Variants in RFTN1 observed in about 807,000 individuals in gnomAD.
RFTN1 encodes the protein raftlin, lipid raft linker 1.
A neutral mutation model predicts 46.5 loss-of-function variants in RFTN1; 26 were observed. That is an observed-to-expected ratio of 0.56 (90% CI 0.41 to 0.78). RFTN1 has a LOEUF of 0.78. RFTN1 is among the 30% of genes least tolerant of loss of function. The pLI, the probability that RFTN1 is intolerant of heterozygous loss-of-function variation, is 0.00. For synonymous variants in RFTN1, 261 were observed against 284.2 expected (o/e 0.92, Z 0.82); for missense variants, 693 against 718.7 (o/e 0.96, Z 0.41).
At chr3:16,501,346 A>G (rs942253472) in intron 1 of RFTN1, among the ~76,000 whole-genome samples, 2 of 152,236 alleles carry the variant, frequency 1.3e-5, no homozygotes, top group Admixed American at 6.5e-5. Flanking sequence ...CAAAAGGATC[A>G]CCTTCTTAAA....
At chr3:16,486,791 T>C (rs1349182796) in intron 2 of RFTN1, among the ~76,000 whole-genome samples, 3 of 152,250 alleles carry the variant, frequency 2.0e-5, no homozygotes, top group East Asian at 3.8e-4. Flanking sequence ...ATGGACTGAA[T>C]TGTGTCCTTC....
intron 2 of RFTN1, chr3:16,434,774 A>G (rs2075469916): frequency 6.6e-6 from 1 of 152,188 alleles, no homozygotes; most frequent in Admixed American, 6.5e-5. Flanking sequence ...ACAAACTGGA[A>G]CAAAATTTCT....
Position 16,420,016 on chromosome 3 carries a change from G to A in RFTN1, c.333-10533C>T, listed in dbSNP as rs138530441. On this transcript the variant is annotated intron_variant, in intron 3 of 9. Transcript: ENST00000334133. Reference sequence around the variant, plus strand: ...TGTTACCAGGGACATCTAACTATCCGACCCTGCTATTTATTCTAGAGAAAT... The same window carrying A: ...TGTTACCAGGGACATCTAACTATCCAACCCTGCTATTTATTCTAGAGAAAT... 3.1e-3 allele frequency among the ~76,000 whole-genome samples: 471 copies of A among 152,290 alleles called. 1 individual carries two copies. Among genetic ancestry groups the A allele is most frequent in the African/African-American group, 0.011 (454 of 41,544 alleles).
In RFTN1 at chr3:16,341,043, A is replaced by G. The variant is rs9866931; in HGVS notation, c.1147-14167T>C. ...AAAGAAGATATGCAGGTAGCAAATA[A>G]TAAGCATATAAAAAGATGCTCAACA... On this transcript the variant is annotated intron_variant, in intron 7 of 9. Transcript: ENST00000334133. The surrounding 1 kb of genome is among the most constrained non-coding windows in gnomAD (Gnocchi z 4.7). Among the ~76,000 whole-genome samples, 1,855 of 152,376 alleles carry G rather than the reference A, an allele frequency of 0.012. 27 individuals carry two copies. Among genetic ancestry groups the G allele is most frequent in the African/African-American group, 0.042 (1,748 of 41,580 alleles).
intron 2 of RFTN1, chr3:16,482,712 C>T: frequency 7.0e-7 from 1 of 1,423,344 alleles, no homozygotes; most frequent in Non-Finnish European, 9.6e-7. Context: ...GCTGTTATTA[C>T]TGTTGCTACT....
chr3:16,498,187 G>C lies in RFTN1; in HGVS notation c.-8-4310C>G, dbSNP rs2076653577. ...GGCTTGACGATGCCTCCATACTTGAGTCATTACATAACGACTGCAACTTAG... is the reference window on the plus strand; with the variant it reads ...GGCTTGACGATGCCTCCATACTTGACTCATTACATAACGACTGCAACTTAG... On this transcript the variant is annotated intron_variant, in intron 1 of 9. Coordinates refer to ENST00000334133, the MANE Select transcript of RFTN1 (RefSeq NM_015150.2). This position sits in a 1 kb window ranked among gnomAD's most constrained non-coding sequence, Gnocchi z 5.2. 1.3e-5 allele frequency among the ~76,000 whole-genome samples: 2 copies of C among 152,196 alleles called. No homozygotes were observed. The highest frequency in any genetic ancestry group is 6.5e-5 in the Admixed American group (1 of 15,288).
chr3:16,331,572 T>A (rs1373739204), intron 7 of RFTN1, among the ~76,000 whole-genome samples: 3 of 152,162 alleles, frequency 2.0e-5, no homozygotes, highest in Non-Finnish European at 4.4e-5. Flanking sequence ...CCTGAACCCA[T>A]CACTAATTTA....
At position 16,433,444 on chromosome 3, in the gene RFTN1, C is replaced by T. The variant is rs899017797; in HGVS notation, c.332+407G>A. ...AATGTTAAAGTATTTCTAGACTTTG[C>T]GGGAAGACATTAAGTTTGTCTATAG... On this transcript the variant is annotated intron_variant, in intron 3 of 9. Coordinates refer to ENST00000334133, the MANE Select transcript of RFTN1 (RefSeq NM_015150.2). The surrounding 1 kb of genome is among the most constrained non-coding windows in gnomAD (Gnocchi z 4.4). Among the ~76,000 whole-genome samples the T allele has an allele frequency of 2.0e-5, 3 of 152,078 alleles. No individual in the cohort carries two copies. The highest frequency in any genetic ancestry group is 1.9e-4 in the East Asian group (1 of 5,196).
At chr3:16,396,681 A>T (rs957745629) in intron 4 of RFTN1, among the ~76,000 whole-genome samples, 8 of 152,178 alleles carry the variant, frequency 5.3e-5, no homozygotes, top group African/African-American at 1.7e-4. Flanking sequence ...ATTTGTTTTA[A>T]TGGAACCAAG....
At chr3:16,461,039 C>G (rs1459181114) in intron 2 of RFTN1, among the ~76,000 whole-genome samples, 1 of 152,226 alleles carries the variant, frequency 6.6e-6, no homozygotes, top group Non-Finnish European at 1.5e-5. Context: ...AGCACAGCTG[C>G]CATGACAATA....
In RFTN1 at chr3:16,446,439, C is replaced by T. The variant is rs977679299; in HGVS notation, c.146-12402G>A. Among the ~76,000 whole-genome samples, 3 of 151,906 alleles carry T rather than the reference C, an allele frequency of 2.0e-5. No individual in the cohort carries two copies. The highest frequency in any genetic ancestry group is 7.3e-5 in the African/African-American group (3 of 41,318). On this transcript the variant is annotated intron_variant, in intron 2 of 9. Transcript: ENST00000334133. This position sits in a 1 kb window ranked among gnomAD's most constrained non-coding sequence, Gnocchi z 4.5. ...TCTTCATCGGCCTCATCTCTCGGTC[C>T]ACGTCCAACAAGCAGAAGGGACACC...
In RFTN1 at chr3:16,448,051, T is replaced by C. The variant is rs56377438; in HGVS notation, c.146-14014A>G. ...CAGCCACATGTGGCTATCGAGCATC[T>C]GAAATGTGGCCAGTGTGATTGAGAT... On this transcript the variant is annotated intron_variant, in intron 2 of 9. Transcript: ENST00000334133. This position sits in a 1 kb window ranked among gnomAD's most constrained non-coding sequence, Gnocchi z 4.1. Among the ~76,000 whole-genome samples the C allele has an allele frequency of 5.2e-3, 793 of 152,096 alleles. 9 individuals carry two copies. Among genetic ancestry groups the C allele is most frequent in the African/African-American group, 0.018 (748 of 41,466 alleles).
chr3:16,408,293 A>G (rs1348224161), intron 4 of RFTN1, among the ~76,000 whole-genome samples: 2 of 152,080 alleles, frequency 1.3e-5, no homozygotes, highest in East Asian at 3.9e-4. Context: ...CTTGCTCCTC[A>G]GCCCCGGCCA....
In RFTN1 at chr3:16,448,980, T is replaced by C. The variant is rs1398926707; in HGVS notation, c.146-14943A>G. The stretch of plus-strand genomic sequence containing the variant: ...TACTGAATTTTCCAGATGATTTATG[T>C]TATGCTCCAGAAAGGCAACATCTCC... On this transcript the variant is annotated intron_variant, in intron 2 of 9. Transcript: ENST00000334133. This position sits in a 1 kb window ranked among gnomAD's most constrained non-coding sequence, Gnocchi z 4.1. 6.6e-6 allele frequency among the ~76,000 whole-genome samples: 1 copy of C among 152,214 alleles called. No individual in the cohort carries two copies. Among genetic ancestry groups the C allele is most frequent in the East Asian group, 1.9e-4 (1 of 5,196 alleles).
At position 16,426,660 on chromosome 3, in the gene RFTN1, CGTGTGTGTGTGTGTGTGT is replaced by C. The variant is rs34705903; in HGVS notation, c.332+7173_332+7190del. 7.0e-6 allele frequency among the ~76,000 whole-genome samples: 1 copy of C among 142,026 alleles called. No individual in the cohort carries two copies. The highest frequency in any genetic ancestry group is 2.0e-4 in the East Asian group (1 of 4,898). 93.2% of individuals were successfully genotyped at this position (142,026 alleles called of 152,430 possible). ...ACTGTTATTTTGGCAATGAAAGGAT[CGTGTGTGTGTGTGTGTGT>C]GTGTGTGTGTGTGTGTGTGTCTGTT... On this transcript the variant is annotated intron_variant, in intron 3 of 9. Coordinates refer to ENST00000334133, the MANE Select transcript of RFTN1 (RefSeq NM_015150.2). The surrounding 1 kb of genome is among the most constrained non-coding windows in gnomAD (Gnocchi z 5.9).
At chr3:16,505,295 A>G (rs1018933019) in intron 1 of RFTN1, among the ~76,000 whole-genome samples, 11 of 152,156 alleles carry the variant, frequency 7.2e-5, no homozygotes, top group African/African-American at 2.7e-4. Context: ...AAGTCAGGCT[A>G]AGCTACTGCA....
rs2076132413 is a variant in RFTN1 at position 16,468,073 on chromosome 3, G to T, written c.145+25652C>A. Among the ~76,000 whole-genome samples, 1 of 152,132 alleles carries T rather than the reference G, an allele frequency of 6.6e-6. No individual in the cohort carries two copies. The highest frequency in any genetic ancestry group is 1.5e-5 in the Non-Finnish European group (1 of 68,026). ...ACTCAAAGACTGGAACATTCAGGAA[G>T]TGCTTACTCAAAACATAGAAACATC... On this transcript the variant is annotated intron_variant, in intron 2 of 9. Transcript: ENST00000334133. The surrounding 1 kb of genome is among the most constrained non-coding windows in gnomAD (Gnocchi z 4.4).
rs1272336915 is a variant in RFTN1, at chr3:16,358,099, G to A, written c.1031-52C>T. The A allele has an allele frequency of 5.0e-6, 5 of 992,514 alleles. No homozygotes were observed. In the African/African-American group the frequency reaches 7.9e-5, roughly 16 times the overall value. 61.5% of individuals were successfully genotyped at this position (992,514 alleles called of 1,614,324 possible). On this transcript the variant is annotated intron_variant, in intron 6 of 9. Transcript: ENST00000334133. ...GGGGGGGGTCTGTAAACCGTCTGTG[G>A]CAGAAGTCTTCTAAGCAGCAAACAT...
chr3:16,407,168 C>A lies in RFTN1; in HGVS notation c.441+2207G>T, dbSNP rs2074879036. 6.6e-6 allele frequency among the ~76,000 whole-genome samples: 1 copy of A among 152,146 alleles called. No individual in the cohort carries two copies. The highest frequency in any genetic ancestry group is 2.4e-5 in the African/African-American group (1 of 41,432). On this transcript the variant is annotated intron_variant, in intron 4 of 9. Transcript: ENST00000334133. The surrounding 1 kb of genome is among the most constrained non-coding windows in gnomAD (Gnocchi z 4.0). Reference sequence around the variant, plus strand: ...AATTTGGTTAAGACAAAGTCACCAACTCATATCAACTCATATGTTTTCTTT... The same window carrying A: ...AATTTGGTTAAGACAAAGTCACCAAATCATATCAACTCATATGTTTTCTTT...
Sources: gnomAD v4.1 joint callset for allele counts (sites outside exome capture counted in the v4.1 genomes callset) on GRCh38, gnomAD v4.1.1 for gene constraint, Gnocchi (gnomAD v3.1) non-coding constraint, MANE v1.5 for transcripts, NCBI Gene and HGNC (gene_info 2026-07-23, HGNC 2026-07-21) for gene names.